HHLA2: variants seen among roughly 807,000 people sequenced by gnomAD.
The protein encoded by HHLA2 is HHLA2 member of B7 family, also known as HERV-H LTR-associating protein 2.
Under a neutral mutation model 45.9 loss-of-function variants are expected in HHLA2, and 48 were observed. The observed-to-expected ratio is 1.05, with a 90% confidence interval of 0.83 to 1.33. The LOEUF (loss-of-function observed/expected upper bound fraction) is 1.33, where lower values mean the gene tolerates loss of function less well. Ranked by LOEUF, HHLA2 falls within the 40% of genes most tolerant of loss-of-function variation. The pLI, the probability that HHLA2 is intolerant of heterozygous loss-of-function variation, is 0.00. For synonymous variants in HHLA2, 161 were observed against 173.9 expected (o/e 0.93, Z 0.59); for missense variants, 462 against 494.3 (o/e 0.93, Z 0.62).
chr3:108,306,566 T>C (rs2107296732), intron 1 of HHLA2, among the ~76,000 whole-genome samples: 1 of 152,288 alleles, frequency 6.6e-6, no homozygotes, highest in South Asian at 2.1e-4. Context: ...ATTATAGGAC[T>C]CTTTAAGATT....
intron 3 of HHLA2, among the ~76,000 whole-genome samples, chr3:108,342,327 G>A (rs1034829226): frequency 5.2e-5 from 7 of 134,990 alleles, no homozygotes; most frequent in Admixed American, 3.5e-4. Context: ...GCAACGGCGC[G>A]CTCTCAGCTT....
chr3:108,360,940 G>T (rs1021589707), intron 7 of HHLA2, among the ~76,000 whole-genome samples: 42 of 151,992 alleles, frequency 2.8e-4, no homozygotes, highest in Admixed American at 5.2e-4. Context: ...TATGTAAAAA[G>T]AGGTATTCAT....
rs1448238490 is a variant in HHLA2, at chr3:108,320,172, CT to C, written c.-104-8096del. 2.6e-5 allele frequency among the ~76,000 whole-genome samples: 4 copies of C among 152,128 alleles called. 1 individual carries two copies. ...GACTATTTCCTAGAAGAATTATTGG[CT>C]TAAAAAGCATGGCCAATTTTAAGGT... On this transcript the variant is annotated intron_variant, in intron 2 of 10. Coordinates refer to ENST00000619531, the Ensembl canonical transcript of HHLA2.
chr3:108,346,528 C>T (rs1391990793), intron 3 of HHLA2, among the ~76,000 whole-genome samples: 2 of 152,184 alleles, frequency 1.3e-5, no homozygotes, highest in East Asian at 3.8e-4. Flanking sequence ...GAGTGCAGAA[C>T]ATTCATGAAC....
At chr3:108,364,973 A>G (rs1288656519) in intron 8 of HHLA2, among the ~76,000 whole-genome samples, 2 of 152,048 alleles carry the variant, frequency 1.3e-5, no homozygotes, top group Non-Finnish European at 2.9e-5. Context: ...GATAGTTTCT[A>G]TGGCTGAGCA....
intron 3 of HHLA2, among the ~76,000 whole-genome samples, chr3:108,338,289 T>A (rs925841661): frequency 1.3e-5 from 2 of 151,984 alleles, no homozygotes; most frequent in African/African-American, 4.8e-5. Context: ...AAGGTGAAAT[T>A]GTAGGAGATA....
At chr3:108,340,890 CTTTTCTT>C (rs199796246) in intron 3 of HHLA2, among the ~76,000 whole-genome samples, 498 of 35,700 alleles carry the variant, frequency 0.014, 3 homozygotes, top group Admixed American at 0.035. Context: ...TAGCCAAACT[CTTTTCTT>C]TTTTTTTTTT....
At chr3:108,377,113 A>G (rs2082288189) in intron 10 of HHLA2, 145 bp from the exon 10 acceptor site, 1 of 623,786 alleles carries the variant, frequency 1.6e-6, no homozygotes, top group Non-Finnish European at 2.9e-6. Context: ...TAATGGTCTC[A>G]TGGATCTTTA....
intron 7 of HHLA2, among the ~76,000 whole-genome samples, chr3:108,360,274 T>TACA (rs2081965342): frequency 6.6e-6 from 1 of 152,156 alleles, no homozygotes; most frequent in African/African-American, 2.4e-5. Context: ...ACTCAGCATA[T>TACA]ACAACACACT....
intron 3 of HHLA2, among the ~76,000 whole-genome samples, chr3:108,339,005 T>C (rs1291405651): frequency 6.6e-6 from 1 of 152,178 alleles, no homozygotes; most frequent in Non-Finnish European, 1.5e-5. Flanking sequence ...ATCATTCAAA[T>C]TGGGACACTT....
Position 108,362,369 on chromosome 3 carries a change from A to AC in HHLA2, c.1032dup (p.Lys345GlnfsTer38). 1.9e-6 allele frequency: 3 copies of AC among 1,612,766 alleles called. No individual in the cohort carries two copies. The highest frequency in any genetic ancestry group is 2.5e-6 in the Non-Finnish European group (3 of 1,179,434). On this transcript the variant is annotated frameshift_variant, in exon 8 of 11. Transcript: ENST00000619531. LOFTEE classifies it high-confidence loss of function. ...CCGAGCCAAGAAACAGCTTCCCATA[A>AC]CAAAGGCTTATGGATTTTGGTGCCC...
chr3:108,329,183 A>G (rs1458985073), intron 3 of HHLA2, among the ~76,000 whole-genome samples: 1 of 152,198 alleles, frequency 6.6e-6, no homozygotes. Flanking sequence ...TCCCTGTAAG[A>G]AAGTGCCACA....
intron 1 of HHLA2, among the ~76,000 whole-genome samples, chr3:108,300,085 A>T (rs923194142): frequency 2.6e-5 from 4 of 152,182 alleles, no homozygotes; most frequent in African/African-American, 9.6e-5. Flanking sequence ...GGTTTTGGGT[A>T]ACAGGCAGTT....
At chr3:108,317,921 C>T (rs1484205030) in intron 2 of HHLA2, among the ~76,000 whole-genome samples, 1 of 152,062 alleles carries the variant, frequency 6.6e-6, no homozygotes, top group East Asian at 1.9e-4. Flanking sequence ...GTGGCTCACA[C>T]CTATAATCCC....
chr3:108,317,134 AC>A (rs1270396772), intron 2 of HHLA2, among the ~76,000 whole-genome samples: 1 of 152,236 alleles, frequency 6.6e-6, no homozygotes, highest in East Asian at 1.9e-4. Context: ...GGCAGGGTCT[AC>A]CTGGAAGAAG....
At chr3:108,360,792 T>C (rs955006925) in intron 7 of HHLA2, among the ~76,000 whole-genome samples, 4 of 152,218 alleles carry the variant, frequency 2.6e-5, no homozygotes, top group African/African-American at 9.6e-5. Context: ...TGACCATGGG[T>C]AACTAAAACC....
intron 1 of HHLA2, among the ~76,000 whole-genome samples, chr3:108,308,600 T>C (rs1175883216): frequency 2.6e-5 from 4 of 152,206 alleles, no homozygotes; most frequent in Non-Finnish European, 5.9e-5. Flanking sequence ...CTTTTCTTCA[T>C]ACTGTTGTAC....
intron 7 of HHLA2, 106 bp downstream of exon 6, chr3:108,358,267 T>A: frequency 5.6e-6 from 4 of 713,736 alleles, no homozygotes; most frequent in Non-Finnish European, 8.9e-6. Context: ...ATTGATACCC[T>A]CTCAAAATAT....
chr3:108,357,304 TCAG>T (rs905262806), intron 6 of HHLA2, among the ~76,000 whole-genome samples: 1 of 152,154 alleles, frequency 6.6e-6, no homozygotes, highest in African/African-American at 2.4e-5. Context: ...CCAAGAAAAT[TCAG>T]CAGTCTCTCT....
Sources: allele counts gnomAD v4.1 joint callset (sites outside exome capture counted in the v4.1 genomes callset), GRCh38; gene constraint gnomAD v4.1.1; transcripts MANE v1.5; gene names NCBI Gene and HGNC (gene_info 2026-07-23, HGNC 2026-07-21).